The following NDE1 variants were observed in gnomAD, a reference collection of about 807,000 sequenced individuals.
NDE1 encodes nudE neurodevelopment protein 1.
In NDE1, 28 loss-of-function variants were observed where a neutral mutation model predicts 43.4. The observed-to-expected ratio is 0.65, with a 90% CI of 0.48 to 0.89. The LOEUF is 0.89. Among genes scored for constraint, NDE1 ranks in the 40% least tolerant of loss-of-function variants. NDE1 has a pLI of 0.00. For missense variants in NDE1, 441 were observed against 434.1 expected (o/e 1.02, Z -0.14); for synonymous variants, 184 against 172.0 (o/e 1.07, Z -0.55).
chr16:15,694,836 A>G (rs2038932356), intron 7 of NDE1: 2 of 985,208 alleles, frequency 2.0e-6, no homozygotes, highest in Non-Finnish European at 2.4e-6. Flanking sequence ...TTAGGGTGAT[A>G]TGTGTGTTTT....
At chr16:15,648,822 T>A (rs1002680884), upstream of NDE1, among the ~76,000 whole-genome samples, 37 of 151,384 alleles carry the variant, frequency 2.4e-4, no homozygotes, top group African/African-American at 7.5e-4. Flanking sequence ...AAGAAAAAAA[T>A]TATTTTTTAA....
At chr16:15,720,140 G>A (rs760184952) in intron 8 of NDE1, 2 of 1,614,060 alleles carry the variant, frequency 1.2e-6, no homozygotes, top group South Asian at 2.2e-5. Context: ...CAAGCTCCTA[G>A]TGTCACCCAC....
chr16:15,713,701 C>T (rs1443571120), intron 8 of NDE1: 2 of 152,248 alleles, frequency 1.3e-5, no homozygotes, highest in Admixed American at 6.5e-5. Context: ...TCTTGCTGCT[C>T]TTGAACTCCT....
At chr16:15,698,539 C>T (rs1332890327) in intron 8 of NDE1, among the ~76,000 whole-genome samples, 1 of 151,840 alleles carries the variant, frequency 6.6e-6, no homozygotes, top group Non-Finnish European at 1.5e-5. Context: ...ATGGCATGCA[C>T]ATAACTTTGA....
At chr16:15,706,201 G>C (rs529710084) in intron 8 of NDE1, among the ~76,000 whole-genome samples, 8 of 152,144 alleles carry the variant, frequency 5.3e-5, no homozygotes, top group Non-Finnish European at 8.8e-5. Context: ...CAGCTTCACA[G>C]AGAAGCTTCT....
At chr16:15,650,461 C>A (rs1159102274) in intron 1 of NDE1, among the ~76,000 whole-genome samples, 167 bp downstream of exon 1, 1 of 152,240 alleles carries the variant, frequency 6.6e-6, no homozygotes, top group Non-Finnish European at 1.5e-5. Flanking sequence ...CGCCTGGACT[C>A]CCCCGGTCCC....
intron 1 of NDE1, among the ~76,000 whole-genome samples, chr16:15,661,524 G>A (rs866419534): frequency 6.6e-6 from 1 of 151,338 alleles, no homozygotes; most frequent in African/African-American, 2.4e-5. Context: ...CAGTGGCATG[G>A]TCATGGGTCA....
chr16:15,717,616 G>GT, intron 8 of NDE1: 3 of 570,882 alleles, frequency 5.3e-6, no homozygotes, highest in Non-Finnish European at 9.4e-6. Flanking sequence ...CCAACATGGT[G>GT]AAACCCCGTC....
intron 8 of NDE1, among the ~76,000 whole-genome samples, chr16:15,698,973 C>G (rs1483885754): frequency 6.6e-6 from 1 of 152,048 alleles, no homozygotes; most frequent in Non-Finnish European, 1.5e-5. Flanking sequence ...CAGCCTCGTC[C>G]TCCTGGGCTC....
At chr16:15,716,852 G>A (rs2040177351) in intron 8 of NDE1, among the ~76,000 whole-genome samples, 1 of 152,198 alleles carries the variant, frequency 6.6e-6, no homozygotes. Flanking sequence ...TATCCCTGCA[G>A]AGGCTGGGAA....
At chr16:15,704,265 AATAAG>A in intron 8 of NDE1, 1 of 877,340 alleles carries the variant, frequency 1.1e-6, no homozygotes, top group South Asian at 1.5e-5. Context: ...ACACGGCACA[AATAAG>A]ATGCAGATAT....
intron 8 of NDE1, among the ~76,000 whole-genome samples, chr16:15,697,393 CTG>C (rs2039063881): frequency 6.6e-6 from 1 of 152,072 alleles, no homozygotes. Flanking sequence ...CACGGTTACA[CTG>C]TGAGAATGTC....
chr16:15,718,451 C>T lies in NDE1; in HGVS notation c.948-5740C>T, dbSNP rs373378619. 207 of 1,549,502 alleles carry T rather than the reference C, an allele frequency of 1.3e-4. 1 individual carries two copies. Among genetic ancestry groups the T allele is most frequent in the African/African-American group, 8.1e-5 (6 of 73,672 alleles). The stretch of plus-strand genomic sequence containing the variant: ...CTGGAGTGCGTTCCTGGGGGAAGGG[C>T]GGCCATGGTGGGGGCCTCTACCCTC... On this transcript the variant is annotated intron_variant, in intron 8 of 8. Coordinates refer to ENST00000396354, the MANE Select transcript of NDE1 (RefSeq NM_017668.3).
At position 15,715,145 on chromosome 16, in the gene NDE1, G is replaced by C. The variant is rs773260950; in HGVS notation, c.948-9046G>C. 1.2e-6 allele frequency: 2 copies of C among 1,612,930 alleles called. No homozygotes were observed. On this transcript the variant is annotated intron_variant, in intron 8 of 8. Coordinates refer to ENST00000396354, the MANE Select transcript of NDE1 (RefSeq NM_017668.3). The stretch of plus-strand genomic sequence containing the variant: ...GCTGGGGGCTGGGGGCTCGAGGGAG[G>C]CTGGGTGGCAGGGGCTACCTGCTCC...
At chr16:15,670,240 T>C (rs1483397359) in intron 3 of NDE1, among the ~76,000 whole-genome samples, 2 of 152,188 alleles carry the variant, frequency 1.3e-5, no homozygotes, top group Non-Finnish European at 2.9e-5. Flanking sequence ...TGCCCAGGGC[T>C]AGGTATGATG....
intron 8 of NDE1, chr16:15,719,446 G>T: frequency 6.7e-7 from 1 of 1,483,694 alleles, no homozygotes; most frequent in Non-Finnish European, 9.3e-7. Flanking sequence ...ATACATAGAG[G>T]AGGGAAGCGT....
At chr16:15,716,317 C>T (rs1183965573) in intron 8 of NDE1, among the ~76,000 whole-genome samples, 2 of 152,016 alleles carry the variant, frequency 1.3e-5, no homozygotes, top group African/African-American at 4.8e-5. Context: ...ATGAATAGCC[C>T]TTGAATTATA....
Position 15,717,223 on chromosome 16 carries a change from G to T in NDE1, c.948-6968G>T, listed in dbSNP as rs145857508. 4 of 1,614,072 alleles carry T rather than the reference G, an allele frequency of 2.5e-6. No homozygotes were observed. Among genetic ancestry groups the T allele is most frequent in the Non-Finnish European group, 3.4e-6 (4 of 1,180,046 alleles). On this transcript the variant is annotated intron_variant, in intron 8 of 8. Coordinates refer to ENST00000396354, the MANE Select transcript of NDE1 (RefSeq NM_017668.3). ...TGGTGGACTTGAACTTGGACTTGAC[G>T]GCCCCCTCCATCTCGTGGAGCTTGC...
At chr16:15,672,693 C>G (rs1481797273) in intron 3 of NDE1, 1 of 152,218 alleles carries the variant, frequency 6.6e-6, no homozygotes, top group Non-Finnish European at 1.5e-5. Flanking sequence ...TCCACAGGTT[C>G]CGAGGAGATC....
Sources: gnomAD v4.1 joint callset for allele counts (sites outside exome capture counted in the v4.1 genomes callset) on GRCh38, gnomAD v4.1.1 for gene constraint, MANE v1.5 for transcripts, NCBI Gene and HGNC (gene_info 2026-07-23, HGNC 2026-07-21) for gene names.